The following ATR variants were observed in gnomAD, a reference collection of about 807,000 sequenced individuals.
ATR encodes serine/threonine-protein kinase ATR.
Under a neutral mutation model 305.3 loss-of-function variants are expected in ATR, and 142 were observed. That is an observed-to-expected ratio of 0.47 (90% CI 0.41 to 0.53). The LOEUF (loss-of-function observed/expected upper bound fraction) is 0.53. Ranked by LOEUF, ATR falls within the 20% of genes least tolerant of loss-of-function variation. The pLI, the probability that ATR is intolerant of heterozygous loss-of-function variation, is 0.00. For synonymous variants in ATR, 1,050 were observed against 1,068.1 expected (o/e 0.98, Z 0.33); for missense variants, 2,135 against 3,133.1 (o/e 0.68, Z 7.60).
intron 24 of ATR, among the ~76,000 whole-genome samples, chr3:142,517,543 C>A (rs1357690392): frequency 2.6e-5 from 4 of 152,122 alleles, no homozygotes; most frequent in East Asian, 1.9e-4. Context: ...ATTGAAAACG[C>A]ACTCTATCAA....
intron 16 of ATR, among the ~76,000 whole-genome samples, chr3:142,545,078 C>T (rs1402506677): frequency 1.3e-5 from 2 of 152,114 alleles, no homozygotes; most frequent in Non-Finnish European, 2.9e-5. Flanking sequence ...CTTTATCTAC[C>T]TACCAATATA....
intron 46 of ATR, chr3:142,451,952 C>A: frequency 8.6e-7 from 1 of 1,160,034 alleles, no homozygotes; most frequent in Non-Finnish European, 1.1e-6. Context: ...GTATATCTAT[C>A]ACTTAACGAA....
At chr3:142,561,737 T>C (rs1020241689) in intron 4 of ATR, among the ~76,000 whole-genome samples, 4 of 152,184 alleles carry the variant, frequency 2.6e-5, no homozygotes, top group African/African-American at 9.7e-5. Context: ...GTAACTTTAA[T>C]CCAGCAAGAT....
Position 142,578,559 on chromosome 3 carries a change from T to C in ATR, c.59+87A>G, listed in dbSNP as rs566718874. Reference sequence around the variant, plus strand: ...GCGGGGGCTTAGGGGATCCCAGCCATAGCGCAGCAGGGGAGGGGAGAGCAC... The same window carrying C: ...GCGGGGGCTTAGGGGATCCCAGCCACAGCGCAGCAGGGGAGGGGAGAGCAC... On this transcript the variant is annotated intron_variant, in intron 1 of 46. Coordinates refer to ENST00000350721, the MANE Select transcript of ATR (RefSeq NM_001184.4). The C allele has an allele frequency of 3.4e-4, 493 of 1,436,124 alleles. 1 individual carries two copies. The highest frequency in any genetic ancestry group is 2.7e-3 in the African/African-American group (189 of 71,308). 89.0% of individuals were successfully genotyped at this position (1,436,124 alleles called of 1,614,324 possible). A position where few individuals can be genotyped will look rare whatever the true frequency, so the allele number is the denominator to read the frequency against.
chr3:142,519,632 AC>A (rs1292774559), intron 24 of ATR, 36 bp downstream of exon 24: 1 of 1,539,074 alleles, frequency 6.5e-7, no homozygotes, highest in Non-Finnish European at 9.0e-7. Flanking sequence ...ATAATTAAAA[AC>A]AATTTTATGA....
At position 142,461,987 on chromosome 3, in the gene ATR, T is replaced by C; in HGVS notation, c.7145A>G (p.Asn2382Ser). ...CAGAATAGGTCTCAAACCAGCAGTG[T>C]TGTTCACCCATTCAATAATCCCACA... ...DECGIIEWVNNTAGLRPILTK... is the reference protein window; with the variant it reads ...DECGIIEWVNSTAGLRPILTK... Residue 2382 changes from asparagine to serine, a missense_variant, in exon 42 of 47, where the codon AAC becomes AGC. Coordinates refer to ENST00000350721, the MANE Select transcript of ATR (RefSeq NM_001184.4). The C allele has an allele frequency of 6.2e-7, 1 of 1,613,708 alleles. No individual in the cohort carries two copies. Among genetic ancestry groups the C allele is most frequent in the Non-Finnish European group, 8.5e-7 (1 of 1,179,798 alleles).
At chr3:142,494,058 A>T (rs1015701012) in intron 34 of ATR, among the ~76,000 whole-genome samples, 13 of 141,848 alleles carry the variant, frequency 9.2e-5, no homozygotes, top group Admixed American at 6.9e-4. Flanking sequence ...AATTTAAATT[A>T]AAAAAAAAAA....
intron 21 of ATR, among the ~76,000 whole-genome samples, chr3:142,531,302 C>A (rs1260173354): frequency 6.6e-6 from 1 of 151,888 alleles, no homozygotes; most frequent in Non-Finnish European, 1.5e-5. Flanking sequence ...TTGTACACAA[C>A]GTGCAGGTTT....
chr3:142,564,717 T>A (rs2035005592), intron 3 of ATR, among the ~76,000 whole-genome samples: 1 of 152,200 alleles, frequency 6.6e-6, no homozygotes, highest in Non-Finnish European at 1.5e-5. Flanking sequence ...CATTAAATAG[T>A]ACTTACTCTT....
chr3:142,452,847 C>G lies in ATR; in HGVS notation c.7761+281G>C, dbSNP rs1183043248. 7.9e-6 allele frequency: 10 copies of G among 1,265,990 alleles called. No individual in the cohort carries two copies. The Admixed American group carries it at 3.5e-4, about 44-fold the overall frequency. The allele number at this position is 1,265,990 out of a possible 1,614,324, so 78.4% of individuals were successfully genotyped here. A position where few individuals can be genotyped will look rare whatever the true frequency, so the allele number is the denominator to read the frequency against. Reference sequence around the variant, plus strand: ...GTTCTGTAAGTTCAGGCAATTTGTACTATAGTTTTTCCTACTGTATCTCAT... The same window carrying G: ...GTTCTGTAAGTTCAGGCAATTTGTAGTATAGTTTTTCCTACTGTATCTCAT... On this transcript the variant is annotated intron_variant, in intron 46 of 46. Transcript: ENST00000350721.
rs2034573671 is a variant in ATR at position 142,554,008 on chromosome 3, T to A, written c.2349A>T (p.Ile783=). The A allele has an allele frequency of 6.2e-7, 1 of 1,606,290 alleles. No individual in the cohort carries two copies. Among genetic ancestry groups the A allele is most frequent in the Non-Finnish European group, 8.5e-7 (1 of 1,175,806 alleles). The change falls in exon 11 of 47, where the codon ATA becomes ATT. Residue 783 remains isoleucine (I), a synonymous_variant. Coordinates refer to ENST00000350721, the MANE Select transcript of ATR (RefSeq NM_001184.4). The part of the protein sequence containing the change: ...KIPSPVKLAF[I]DNLHHLCKHL... ...GCTTACAAAGATGATGTAGATTATC[T>A]ATGAAAGCTGAAGGACAAGAGTATA...
At chr3:142,456,338 T>A (rs911638258) in intron 45 of ATR, among the ~76,000 whole-genome samples, 2 of 151,896 alleles carry the variant, frequency 1.3e-5, no homozygotes, top group African/African-American at 4.8e-5. Context: ...GAGGCCAAGG[T>A]GGGAGGATCA....
At position 142,547,736 on chromosome 3, in the gene ATR, G is replaced by C. The variant is rs768537399; in HGVS notation, c.3346C>G (p.Pro1116Ala). ...AACATATTCCTTACCATCAGTTCAG[G>C]TGATATGATATCTCTCGGGCCCTGA... ...PYQGPRDIIS[P>A]ELMADYLQPK... Residue 1116 changes from proline (P) to alanine (A), a missense_variant, in exon 16 of 47, where the codon CCT (proline) becomes GCT (alanine). By Grantham distance (27) the Pro-to-Ala change is conservative (BLOSUM62 -1). Around this residue, in one of 9 missense-constraint regions of ATR, gnomAD observed 530 missense variants for 766.8 expected, o/e 0.69. Transcript: ENST00000350721. 1 of 1,613,584 alleles carries C rather than the reference G, an allele frequency of 6.2e-7. No homozygotes were observed. The highest frequency in any genetic ancestry group is 8.5e-7 in the Non-Finnish European group (1 of 1,179,666).
At chr3:142,536,610 T>C (rs1026422359) in intron 19 of ATR, among the ~76,000 whole-genome samples, 1 of 152,194 alleles carries the variant, frequency 6.6e-6, no homozygotes, top group South Asian at 2.1e-4. Context: ...ACGTAAGAAG[T>C]GTTGCCACCA....
chr3:142,506,121 T>C (rs2032222924), intron 28 of ATR, among the ~76,000 whole-genome samples: 1 of 152,096 alleles, frequency 6.6e-6, no homozygotes, highest in Non-Finnish European at 1.5e-5. Context: ...CTTGTTGAAA[T>C]GGGCAGAGTG....
At chr3:142,576,964 G>A (rs1318026377) in intron 1 of ATR, among the ~76,000 whole-genome samples, 1 of 152,122 alleles carries the variant, frequency 6.6e-6, no homozygotes, top group African/African-American at 2.4e-5. Flanking sequence ...GGAAGAAAAG[G>A]CCTTGAAAGC....
intron 2 of ATR, 72 bp downstream of exon 2, chr3:142,567,991 C>A: frequency 1.6e-6 from 2 of 1,215,096 alleles, no homozygotes; most frequent in South Asian, 2.9e-5. Flanking sequence ...GGAGAAAATG[C>A]TACTATAATT....
At chr3:142,476,115 A>G (rs2108291704) in intron 36 of ATR, among the ~76,000 whole-genome samples, 1 of 152,170 alleles carries the variant, frequency 6.6e-6, no homozygotes, top group Admixed American at 6.5e-5. Context: ...CCCATTTGTC[A>G]ATTTTGGCTT....
At chr3:142,498,909 C>G in intron 31 of ATR, 135 bp from the exon 32 acceptor site, 2 of 850,000 alleles carry the variant, frequency 2.4e-6, no homozygotes, top group Non-Finnish European at 3.8e-6. Flanking sequence ...GAGACAGAGT[C>G]TCACTCTGTG....
Sources: gnomAD v4.1 joint callset for allele counts (sites outside exome capture counted in the v4.1 genomes callset) on GRCh38, gnomAD v4.1.1 for gene constraint, gnomAD v4.1.1 regional missense constraint, MANE v1.5 for transcripts, NCBI Gene and HGNC (gene_info 2026-07-23, HGNC 2026-07-21) for gene names.